Variants in MICAL2 observed in about 807,000 individuals in gnomAD.
MICAL2 encodes [F-actin]-monooxygenase MICAL2.
MICAL2 carries 77 observed loss-of-function variants against 127.3 expected under a neutral mutation model. The observed-to-expected ratio is 0.60, with a 90% CI of 0.50 to 0.73. The LOEUF (loss-of-function observed/expected upper bound fraction) is 0.73. Ranked by LOEUF, MICAL2 falls within the 30% of genes least tolerant of loss-of-function variation. The probability of loss-of-function intolerance (pLI) is 0.00; values close to 1 mark genes in which losing one functional copy is unlikely to be tolerated. For missense variants in MICAL2, 1,351 were observed against 1,434.4 expected, an observed-to-expected ratio of 0.94 and a Z score of 0.94; for synonymous variants, 570 against 551.1, an observed-to-expected ratio of 1.03 and a Z score of -0.48.
chr11:12,332,802 G>C lies in MICAL2; in HGVS notation c.5515+5536G>C, dbSNP rs1167119723. Among the ~76,000 whole-genome samples the C allele has an allele frequency of 3.2e-4, 49 of 152,186 alleles. 1 individual carries two copies. The highest frequency in any genetic ancestry group is 3.2e-3 in the Admixed American group (49 of 15,274). On this transcript the variant is annotated intron_variant, in intron 32 of 34. Transcript: ENST00000646065. ...TTCCCAGGAAGCAAGTAGTTGTGCA[G>C]TAGTCACACAGTAGTATCCTGACCC...
chr11:12,139,023 T>G (rs1852095146), intron 2 of MICAL2, among the ~76,000 whole-genome samples: 1 of 152,192 alleles, frequency 6.6e-6, no homozygotes, highest in Non-Finnish European at 1.5e-5. Flanking sequence ...GTTTTCTGTG[T>G]CCCAGGCTAG....
Position 12,226,207 on chromosome 11 carries a change from G to A in MICAL2, c.1725G>A (p.Glu575=), listed in dbSNP as rs1857424389. 6.2e-7 allele frequency: 1 copy of A among 1,614,128 alleles called. No homozygotes were observed. The highest frequency in any genetic ancestry group is 1.3e-5 in the African/African-American group (1 of 74,940). Residue 575 remains glutamate (E), a synonymous_variant, in exon 14 of 28, where the codon GAG becomes GAA. Coordinates refer to ENST00000683283, the MANE Select transcript of MICAL2 (RefSeq NM_001282663.2). ...FDSLNEDDAV[E]NNQLAFDVAE... ...CTTTGAATGAAGATGATGCTGTGGA[G>A]AACAACCAGCTCGCATTTGATGTGG...
chr11:12,350,004 T>C, intron 33 of MICAL2: 1 of 1,313,796 alleles, frequency 7.6e-7, no homozygotes, highest in Non-Finnish European at 1.1e-6. Flanking sequence ...TGGCTTACCC[T>C]CCTAGGCCGA....
chr11:12,179,267 C>G (rs1223806674), intron 3 of MICAL2, among the ~76,000 whole-genome samples: 3 of 152,216 alleles, frequency 2.0e-5, no homozygotes, highest in Non-Finnish European at 4.4e-5. Context: ...TCTCCTCCAC[C>G]TGCCTCTGCC....
intron 3 of MICAL2, among the ~76,000 whole-genome samples, chr11:12,170,821 C>A (rs1856154744): frequency 6.6e-6 from 1 of 152,176 alleles, no homozygotes; most frequent in African/African-American, 2.4e-5. Flanking sequence ...ACATTGATGG[C>A]TTTGTCTCTT....
At chr11:12,313,961 A>AT (rs60681621) in intron 29 of MICAL2, among the ~76,000 whole-genome samples, 706 of 43,766 alleles carry the variant, frequency 0.016, 28 homozygotes, top group East Asian at 0.053. Flanking sequence ...TCTTGGTCTG[A>AT]TTTTTTTTTT....
chr11:12,274,356 CAA>C, upstream of MICAL2: 1 of 152,074 alleles, frequency 6.6e-6, no homozygotes, highest in Non-Finnish European at 1.5e-5. Flanking sequence ...ACCCTAGCAA[CAA>C]ATGAAACAGA....
rs570665828 is a variant in MICAL2, at chr11:12,126,350, A to T, written c.-148-12040A>T. ...GAAGAAGTATGTACTTTGCTTTGCC[A>T]GACCTGAGATGCTTTACAAATCATC... On this transcript the variant is annotated intron_variant, in intron 1 of 27. Coordinates refer to ENST00000683283, the MANE Select transcript of MICAL2 (RefSeq NM_001282663.2). 6.6e-5 allele frequency among the ~76,000 whole-genome samples: 10 copies of T among 152,328 alleles called. No individual in the cohort carries two copies. In the South Asian group the frequency reaches 2.1e-3, roughly 32 times the overall value.
chr11:12,314,573 G>A (rs2134829462), intron 29 of MICAL2, among the ~76,000 whole-genome samples: 1 of 151,802 alleles, frequency 6.6e-6, no homozygotes, highest in Middle Eastern at 3.4e-3. Context: ...CCGTCTCCTG[G>A]GTTCACGCCA....
intron 2 of MICAL2, among the ~76,000 whole-genome samples, chr11:12,285,997 G>A (rs1265840837): frequency 6.6e-6 from 1 of 152,228 alleles, no homozygotes; most frequent in East Asian, 1.9e-4. Flanking sequence ...GGGGCCTGAA[G>A]CCTGGGAATG....
At chr11:12,163,251 C>T (rs946223706) in intron 3 of MICAL2, among the ~76,000 whole-genome samples, 6 of 152,230 alleles carry the variant, frequency 3.9e-5, no homozygotes, top group Non-Finnish European at 4.4e-5. Flanking sequence ...GGAGTCCAGG[C>T]GTCTCAGCTG....
intron 2 of MICAL2, among the ~76,000 whole-genome samples, chr11:12,281,290 C>G (rs2279611): frequency 0.3 from 46,267 of 152,116 alleles, 8,085 homozygotes; most frequent in East Asian, 0.7. Context: ...CCTGGCTTCC[C>G]TCTCCATGAG....
chr11:12,185,914 ACT>A (rs1177326664), intron 3 of MICAL2, among the ~76,000 whole-genome samples: 1 of 152,016 alleles, frequency 6.6e-6, no homozygotes, highest in Admixed American at 6.6e-5. Context: ...AGGCTTTGAA[ACT>A]CTCTTTGCTA....
At chr11:12,145,984 T>C (rs1852859906) in intron 2 of MICAL2, among the ~76,000 whole-genome samples, 1 of 152,240 alleles carries the variant, frequency 6.6e-6, no homozygotes, top group Non-Finnish European at 1.5e-5. Context: ...TGGTCTGTAA[T>C]TCAAATGAAA....
At chr11:12,282,154 G>C (rs764851405) in intron 2 of MICAL2, among the ~76,000 whole-genome samples, 13 of 152,170 alleles carry the variant, frequency 8.5e-5, no homozygotes, top group Non-Finnish European at 1.9e-4. Flanking sequence ...TGGAATTGTT[G>C]AATTTACTCT....
chr11:12,302,613 T>G (rs1433652937), intron 29 of MICAL2, among the ~76,000 whole-genome samples: 1 of 152,170 alleles, frequency 6.6e-6, no homozygotes, highest in East Asian at 1.9e-4. Flanking sequence ...TGTTGTCTTC[T>G]CCTACTCTTT....
chr11:12,228,704 C>T (rs961933957), intron 15 of MICAL2, among the ~76,000 whole-genome samples: 1 of 152,298 alleles, frequency 6.6e-6, no homozygotes, highest in East Asian at 1.9e-4. Context: ...GAGAGCGCTT[C>T]TACGGGATGG....
At chr11:12,218,821 G>A (rs1856491081) in intron 8 of MICAL2, among the ~76,000 whole-genome samples, 1 of 152,214 alleles carries the variant, frequency 6.6e-6, no homozygotes, top group Non-Finnish European at 1.5e-5. Context: ...CACTCTGGCT[G>A]TAAATGCGGC....
At chr11:12,221,556 C>A in intron 9 of MICAL2, 88 bp from the exon 10 acceptor site, 2 of 930,970 alleles carry the variant, frequency 2.1e-6, no homozygotes, top group Non-Finnish European at 3.4e-6. Flanking sequence ...CCTGCACAGT[C>A]CTGGCAATCA....
Sources: allele counts gnomAD v4.1 joint callset (sites outside exome capture counted in the v4.1 genomes callset), GRCh38; gene constraint gnomAD v4.1.1; transcripts MANE v1.5; gene names NCBI Gene and HGNC (gene_info 2026-07-23, HGNC 2026-07-21).